The following MTX2 variants were observed in gnomAD, a reference collection of about 807,000 sequenced individuals.
MTX2 encodes metaxin-2.
A neutral mutation model predicts 42.3 loss-of-function variants in MTX2; 35 were observed. The observed-to-expected ratio is 0.83, with a 90% CI of 0.63 to 1.10. The LOEUF (loss-of-function observed/expected upper bound fraction) is 1.10. MTX2 is among the 50% of genes least tolerant of loss of function. The probability of loss-of-function intolerance (pLI) is 0.00; values close to 1 mark genes in which losing one functional copy is unlikely to be tolerated. For missense variants in MTX2, 307 were observed against 304.1 expected (o/e 1.01, Z -0.07); for synonymous variants, 119 against 100.9 (o/e 1.18, Z -1.08).
At position 176,325,449 on chromosome 2, in the gene MTX2, T is replaced by C. The variant is rs538614487; in HGVS notation, c.209-1376T>C. ...TTATATATCTCTTTATATTTAGAGA[T>C]ATATAAGATTAATACTCAGTTGACT... On this transcript the variant is annotated intron_variant, in intron 4 of 9. Coordinates refer to ENST00000249442, the MANE Select transcript of MTX2 (RefSeq NM_006554.5). 2.0e-5 allele frequency among the ~76,000 whole-genome samples: 3 copies of C among 151,806 alleles called. No homozygotes were observed. The South Asian group carries it at 6.2e-4, about 31-fold the overall frequency.
chr2:176,271,626 T>C (rs1409669993), intron 1 of MTX2, among the ~76,000 whole-genome samples: 1 of 152,160 alleles, frequency 6.6e-6, no homozygotes, highest in Non-Finnish European at 1.5e-5. Flanking sequence ...TGATTTCTAG[T>C]ACTAATAGGG....
intron 3 of MTX2, among the ~76,000 whole-genome samples, chr2:176,308,248 C>T (rs1419029383): frequency 6.6e-6 from 1 of 152,112 alleles, no homozygotes; most frequent in East Asian, 1.9e-4. Flanking sequence ...AAGGATGAAG[C>T]CGACTTGATC....
intron 1 of MTX2, 81 bp downstream of exon 1, chr2:176,269,750 C>T: frequency 6.8e-7 from 1 of 1,471,624 alleles, no homozygotes; most frequent in South Asian, 1.3e-5. Context: ...GAGCTTTCCT[C>T]CAGCCTTGCG....
intron 3 of MTX2, among the ~76,000 whole-genome samples, chr2:176,315,967 A>G (rs1399157185): frequency 6.6e-6 from 1 of 152,212 alleles, no homozygotes; most frequent in Non-Finnish European, 1.5e-5. Context: ...ATTACCATGC[A>G]TATTTTCTGG....
chr2:176,320,918 A>G (rs1684570399), intron 3 of MTX2, among the ~76,000 whole-genome samples: 1 of 152,032 alleles, frequency 6.6e-6, no homozygotes, highest in Non-Finnish European at 1.5e-5. Flanking sequence ...GCTGGTCTTG[A>G]ACTCCTGGCC....
At chr2:176,299,768 T>A (rs1414328942) in intron 3 of MTX2, among the ~76,000 whole-genome samples, 2 of 152,100 alleles carry the variant, frequency 1.3e-5, no homozygotes, top group African/African-American at 2.4e-5. Flanking sequence ...ATTTGATGTA[T>A]AAAATTGATC....
At chr2:176,321,009 T>C (rs1684572012) in intron 3 of MTX2, among the ~76,000 whole-genome samples, 1 of 152,180 alleles carries the variant, frequency 6.6e-6, no homozygotes, top group South Asian at 2.1e-4. Flanking sequence ...ACATGGATCT[T>C]GTATATCAGT....
intron 3 of MTX2, among the ~76,000 whole-genome samples, chr2:176,321,543 A>G (rs1405567888): frequency 6.6e-6 from 1 of 152,146 alleles, no homozygotes; most frequent in Non-Finnish European, 1.5e-5. Flanking sequence ...TGACTACATG[A>G]TTATCAAGAA....
chr2:176,316,674 A>G (rs1022929552), intron 3 of MTX2, among the ~76,000 whole-genome samples: 1 of 152,116 alleles, frequency 6.6e-6, no homozygotes, highest in Non-Finnish European at 1.5e-5. Flanking sequence ...AAGTGCTGGG[A>G]TTACTGGTGT....
chr2:176,330,957 C>T lies in MTX2; in HGVS notation c.620+297C>T, dbSNP rs533128104. 9.3e-5 allele frequency among the ~76,000 whole-genome samples: 14 copies of T among 150,896 alleles called. No individual in the cohort carries two copies. In the East Asian group the frequency reaches 2.7e-3, roughly 29 times the overall value. On this transcript the variant is annotated intron_variant, in intron 9 of 9. Coordinates refer to ENST00000249442, the MANE Select transcript of MTX2 (RefSeq NM_006554.5). ...GGTGCTATACATGGAACTACAAAAT[C>T]TTAACAAAATTCTAAACTTGTACTA... is the stretch of plus-strand genomic sequence containing the variant.
intron 1 of MTX2, among the ~76,000 whole-genome samples, chr2:176,293,940 G>GC (rs1477001650): frequency 6.6e-6 from 1 of 152,084 alleles, no homozygotes; most frequent in Non-Finnish European, 1.5e-5. Flanking sequence ...CTAGCTGCTG[G>GC]CTATATGGGT....
rs939231805 is a variant in MTX2, at chr2:176,300,511, A to G, written c.135+2616A>G. Among the ~76,000 whole-genome samples, 2 of 152,108 alleles carry G rather than the reference A, an allele frequency of 1.3e-5. 1 individual carries two copies. The highest frequency in any genetic ancestry group is 2.9e-5 in the Non-Finnish European group (2 of 67,992). On this transcript the variant is annotated intron_variant, in intron 3 of 9. Coordinates refer to ENST00000249442, the MANE Select transcript of MTX2 (RefSeq NM_006554.5). The stretch of plus-strand genomic sequence containing the variant: ...CTTACAGTACCTCTCAATTTATGCT[A>G]GCCAGATTTCAAATGCCCACTAGTC...
chr2:176,317,047 A>C (rs1369337860), intron 3 of MTX2, among the ~76,000 whole-genome samples: 6 of 151,478 alleles, frequency 4.0e-5, no homozygotes, highest in African/African-American at 4.8e-5. Flanking sequence ...TTAAAAAAAA[A>C]AAAACAAAAA....
intron 3 of MTX2, among the ~76,000 whole-genome samples, chr2:176,309,806 A>G (rs898649151): frequency 2.1e-5 from 3 of 146,190 alleles, no homozygotes; most frequent in African/African-American, 7.7e-5. Flanking sequence ...CTCTTTGCAC[A>G]TGAGATGCAT....
At chr2:176,320,745 A>G (rs1247881370) in intron 3 of MTX2, among the ~76,000 whole-genome samples, 3 of 140,090 alleles carry the variant, frequency 2.1e-5, no homozygotes, top group Non-Finnish European at 3.0e-5. Flanking sequence ...CCCAGGCTGG[A>G]GTGCAGTGGT....
intron 8 of MTX2, among the ~76,000 whole-genome samples, chr2:176,330,356 AAAGTATTTCTTAT>A (rs1448113211): frequency 5.4e-5 from 8 of 149,384 alleles, no homozygotes; most frequent in Admixed American, 6.7e-5. Flanking sequence ...ACTTATATAG[AAAGTATTTCTTAT>A]AAGTATTTCT....
chr2:176,292,362 A>G (rs1415658886), intron 1 of MTX2, among the ~76,000 whole-genome samples: 6 of 152,224 alleles, frequency 3.9e-5, no homozygotes, highest in Non-Finnish European at 8.8e-5. Flanking sequence ...TTGTTTTAAA[A>G]TGACTTTCCT....
intron 9 of MTX2, among the ~76,000 whole-genome samples, chr2:176,330,962 C>T (rs1399417386): frequency 6.6e-6 from 1 of 150,754 alleles, no homozygotes; most frequent in Admixed American, 6.6e-5. Flanking sequence ...AAAATCTTAA[C>T]AAAATTCTAA....
chr2:176,306,596 G>T (rs919427632), intron 3 of MTX2, among the ~76,000 whole-genome samples: 1 of 152,066 alleles, frequency 6.6e-6, no homozygotes, highest in Admixed American at 6.6e-5. Context: ...TTTAATGATT[G>T]CCATTCTAAC....
Sources: allele counts gnomAD v4.1 joint callset (sites outside exome capture counted in the v4.1 genomes callset), GRCh38; gene constraint gnomAD v4.1.1; transcripts MANE v1.5; gene names NCBI Gene and HGNC (gene_info 2026-07-23, HGNC 2026-07-21).